Variants in MDGA2 observed in about 807,000 individuals in gnomAD.
The protein encoded by MDGA2 is MAM domain-containing glycosylphosphatidylinositol anchor protein 2.
Under a neutral mutation model 117.8 loss-of-function variants are expected in MDGA2, and 40 were observed. That is an observed-to-expected ratio of 0.34 (90% CI 0.26 to 0.44). The LOEUF (loss-of-function observed/expected upper bound fraction) is 0.44. MDGA2 is among the 20% of genes least tolerant of loss of function. The probability of loss-of-function intolerance (pLI) is 1.00; values close to 1 mark genes in which losing one functional copy is unlikely to be tolerated. For synonymous variants in MDGA2, 452 were observed against 439.0 expected, an observed-to-expected ratio of 1.03 and a Z score of -0.37; for missense variants, 1,123 against 1,250.6, an observed-to-expected ratio of 0.90 and a Z score of 1.54.
intron 5 of MDGA2, among the ~76,000 whole-genome samples, chr14:47,117,546 C>T (rs956654324): frequency 1.3e-5 from 2 of 152,068 alleles, no homozygotes; most frequent in Non-Finnish European, 2.9e-5. Context: ...GTGGTATGTA[C>T]ATATAATGGA....
intron 3 of MDGA2, among the ~76,000 whole-genome samples, chr14:47,207,876 T>C (rs1179403124): frequency 6.6e-6 from 1 of 151,964 alleles, no homozygotes; most frequent in Non-Finnish European, 1.5e-5. Flanking sequence ...GTAGGCTGCT[T>C]TTCAGATACT....
chr14:47,614,011 C>A (rs943068546), intron 1 of MDGA2, among the ~76,000 whole-genome samples: 1 of 151,166 alleles, frequency 6.6e-6, no homozygotes, highest in African/African-American at 2.4e-5. Flanking sequence ...TTATGATAAA[C>A]TTTTCCCGGA....
intron 1 of MDGA2, among the ~76,000 whole-genome samples, chr14:47,369,836 T>C (rs1167814624): frequency 1.3e-5 from 2 of 152,082 alleles, no homozygotes; most frequent in African/African-American, 4.8e-5. Context: ...TATTATCCCA[T>C]TTATATATTT....
intron 1 of MDGA2, among the ~76,000 whole-genome samples, chr14:47,466,662 G>A (rs1463656532): frequency 6.6e-6 from 1 of 152,064 alleles, no homozygotes; most frequent in Non-Finnish European, 1.5e-5. Flanking sequence ...GAATTACAGG[G>A]ATACCTTTCA....
intron 10 of MDGA2, among the ~76,000 whole-genome samples, chr14:46,913,717 T>C (rs1479516399): frequency 1.3e-5 from 2 of 152,178 alleles, no homozygotes; most frequent in Non-Finnish European, 2.9e-5. Flanking sequence ...AAATGAAGTT[T>C]GCACCTCAGT....
At chr14:47,415,729 G>A (rs2416071) in intron 1 of MDGA2, among the ~76,000 whole-genome samples, 53 of 152,118 alleles carry the variant, frequency 3.5e-4, no homozygotes, top group Middle Eastern at 3.4e-3. Context: ...TTTATTTCTC[G>A]CACTTCTGGA....
intron 1 of MDGA2, among the ~76,000 whole-genome samples, chr14:47,594,617 G>A (rs1896501533): frequency 6.6e-6 from 1 of 152,204 alleles, no homozygotes. Context: ...AGTGTTGCTG[G>A]TATTCTCAGA....
intron 1 of MDGA2, among the ~76,000 whole-genome samples, chr14:47,603,813 G>C (rs1896691201): frequency 6.6e-6 from 1 of 151,940 alleles, no homozygotes; most frequent in Non-Finnish European, 1.5e-5. Flanking sequence ...CAGATCCAGT[G>C]GATGGCTTAG....
chr14:47,063,961 C>A (rs557339672), intron 6 of MDGA2, among the ~76,000 whole-genome samples: 1 of 151,904 alleles, frequency 6.6e-6, no homozygotes, highest in East Asian at 1.9e-4. Flanking sequence ...GAGAGAACTG[C>A]AATCTTACCA....
intron 9 of MDGA2, among the ~76,000 whole-genome samples, chr14:46,925,631 C>CAAAAAAAAAAAAAAAAAAAAACAAAA (rs34889177): frequency 1.5e-5 from 1 of 64,602 alleles, no homozygotes; most frequent in African/African-American, 5.9e-5. Flanking sequence ...GACTCTACCT[C>CAAAAAAAAAAAAAAAAAAAAACAAAA]AAAAAAAAAA....
At chr14:47,430,861 T>C (rs1398507491) in intron 1 of MDGA2, among the ~76,000 whole-genome samples, 1 of 152,080 alleles carries the variant, frequency 6.6e-6, no homozygotes, top group African/African-American at 2.4e-5. Context: ...TAGGGGCAAG[T>C]TAATTAATTC....
At chr14:47,644,723 C>A (rs1020489607) in intron 1 of MDGA2, among the ~76,000 whole-genome samples, 2 of 151,426 alleles carry the variant, frequency 1.3e-5, no homozygotes, top group African/African-American at 2.4e-5. Flanking sequence ...ATGTTCTTAT[C>A]ATAAAGAAAT....
At position 46,845,487 on chromosome 14, in the gene MDGA2, C is replaced by A. The variant is rs186938471; in HGVS notation, c.2989+279G>T. ...TTAAATCTTCTAAAACAAATAATATCAAAGTGTTTTAAAATCTTAATTAAA... is the reference window on the plus strand; with the variant it reads ...TTAAATCTTCTAAAACAAATAATATAAAAGTGTTTTAAAATCTTAATTAAA... On this transcript the variant is annotated intron_variant, in intron 16 of 16. Transcript: ENST00000399232. Among the ~76,000 whole-genome samples the A allele has an allele frequency of 6.3e-4, 96 of 152,182 alleles. No individual in the cohort carries two copies. The East Asian group carries it at 0.017, about 27-fold the overall frequency.
chr14:47,093,429 C>T (rs1265098823), intron 6 of MDGA2, among the ~76,000 whole-genome samples: 2 of 152,002 alleles, frequency 1.3e-5, no homozygotes, highest in Admixed American at 6.6e-5. Context: ...ATCATGAAAA[C>T]AGAGACCTTT....
intron 1 of MDGA2, among the ~76,000 whole-genome samples, chr14:47,516,464 T>C (rs1009701075): frequency 4.6e-5 from 7 of 152,190 alleles, no homozygotes; most frequent in Non-Finnish European, 1.0e-4. Flanking sequence ...AACCAGGTAC[T>C]AAATTACTAC....
intron 1 of MDGA2, among the ~76,000 whole-genome samples, chr14:47,574,975 T>C (rs1462533978): frequency 1.3e-5 from 2 of 152,190 alleles, no homozygotes; most frequent in Admixed American, 1.3e-4. Context: ...TGCATGAGTA[T>C]ACGTGGGTCT....
chr14:46,853,629 A>AC (rs1022692070), intron 15 of MDGA2, among the ~76,000 whole-genome samples: 1 of 151,788 alleles, frequency 6.6e-6, no homozygotes, highest in African/African-American at 2.4e-5. Flanking sequence ...TCTAAAAAAA[A>AC]AACAACAAGG....
At chr14:47,332,208 C>T (rs1890312899) in intron 1 of MDGA2, among the ~76,000 whole-genome samples, 1 of 151,992 alleles carries the variant, frequency 6.6e-6, no homozygotes, top group South Asian at 2.1e-4. Context: ...GCTTTCTCAG[C>T]TGGAAAGCTG....
chr14:47,507,923 T>A (rs568407466), intron 1 of MDGA2, among the ~76,000 whole-genome samples: 1 of 152,334 alleles, frequency 6.6e-6, no homozygotes, highest in South Asian at 2.1e-4. Flanking sequence ...ACTGCAACTT[T>A]AATGTAGTCC....
Sources: allele counts gnomAD v4.1 joint callset (sites outside exome capture counted in the v4.1 genomes callset), GRCh38; gene constraint gnomAD v4.1.1; transcripts MANE v1.5; gene names NCBI Gene and HGNC (gene_info 2026-07-23, HGNC 2026-07-21).